ZNF169: variants seen among roughly 807,000 people sequenced by gnomAD.
The protein encoded by ZNF169 is zinc finger protein 169.
A neutral mutation model predicts 12.0 loss-of-function variants in ZNF169; 11 were observed. That is an observed-to-expected ratio of 0.92 (90% CI 0.58 to 1.52). The LOEUF is 1.52. Ranked by LOEUF, ZNF169 falls within the 40% of genes most tolerant of loss-of-function variation. The pLI is 0.00. For missense variants in ZNF169, 722 were observed against 744.0 expected, an observed-to-expected ratio of 0.97 and a Z score of 0.34; for synonymous variants, 302 against 286.5, an observed-to-expected ratio of 1.05 and a Z score of -0.55.
At chr9:94,270,886 A>G (rs865829063) in intron 1 of ZNF169, among the ~76,000 whole-genome samples, 5 of 55,230 alleles carry the variant, frequency 9.1e-5, no homozygotes, top group Admixed American at 3.8e-4. Flanking sequence ...ATATTATATA[A>G]ATATATATAA....
At chr9:94,297,887 C>T (rs1459145993) in intron 4 of ZNF169, among the ~76,000 whole-genome samples, 2 of 152,146 alleles carry the variant, frequency 1.3e-5, no homozygotes, top group African/African-American at 4.8e-5. Flanking sequence ...GTTCCAGGGG[C>T]TGGGCGCGGT....
At chr9:94,283,110 G>GA (rs1333678797) in intron 2 of ZNF169, among the ~76,000 whole-genome samples, 1 of 152,108 alleles carries the variant, frequency 6.6e-6, no homozygotes, top group Non-Finnish European at 1.5e-5. Flanking sequence ...ACATGTATCA[G>GA]AAAAAATTAC....
chr9:94,287,086 A>G (rs1830731626), intron 2 of ZNF169, among the ~76,000 whole-genome samples: 1 of 152,218 alleles, frequency 6.6e-6, no homozygotes, highest in East Asian at 1.9e-4. Context: ...ATGAATTTAC[A>G]AAGTATCTAC....
chr9:94,288,519 G>T (rs1830762606), intron 2 of ZNF169: 2 of 594,280 alleles, frequency 3.4e-6, no homozygotes, highest in South Asian at 1.5e-5. Flanking sequence ...TGGCAGATTT[G>T]ACAGGATCTC....
intron 4 of ZNF169, among the ~76,000 whole-genome samples, chr9:94,297,818 T>C (rs1273453841): frequency 6.6e-6 from 1 of 152,194 alleles, no homozygotes; most frequent in East Asian, 1.9e-4. Context: ...CCTGATTCAG[T>C]TTCTTGCTAT....
intron 1 of ZNF169, among the ~76,000 whole-genome samples, chr9:94,271,638 T>C (rs902946362): frequency 1.3e-5 from 2 of 148,936 alleles, no homozygotes; most frequent in Non-Finnish European, 3.0e-5. Context: ...GAGAATCGCT[T>C]GAACCCAGGA....
intron 2 of ZNF169, among the ~76,000 whole-genome samples, chr9:94,289,988 T>C (rs1301293028): frequency 6.6e-6 from 1 of 152,200 alleles, no homozygotes. Context: ...TTCATGTGCC[T>C]TTAGAAACAC....
chr9:94,291,584 GA>G (rs1233713229), intron 2 of ZNF169, among the ~76,000 whole-genome samples: 2 of 151,896 alleles, frequency 1.3e-5, no homozygotes, highest in South Asian at 2.1e-4. Context: ...GGAACGAAGG[GA>G]AAAAAAGCTT....
In ZNF169 at chr9:94,301,460, C is replaced by T; in HGVS notation, c.*90C>T. 6.9e-7 allele frequency: 1 copy of T among 1,450,256 alleles called. No individual in the cohort carries two copies. 89.8% of individuals were successfully genotyped at this position (1,450,256 alleles called of 1,614,324 possible). A position where few individuals can be genotyped will look rare whatever the true frequency, so the allele number is the denominator to read the frequency against. On this transcript the variant is annotated 3_prime_UTR_variant, in exon 5 of 5. Coordinates refer to ENST00000395395, the MANE Select transcript of ZNF169 (RefSeq NM_194320.4). ...ATGGAATGGAAAAAAAAAAATGTTG[C>T]TTTCTTTCATCGATCATGAGATAGT... is the stretch of plus-strand genomic sequence containing the variant.
intron 1 of ZNF169, among the ~76,000 whole-genome samples, chr9:94,270,721 AT>A (rs1436660333): frequency 0.034 from 694 of 20,116 alleles, 17 homozygotes; most frequent in African/African-American, 0.048. Context: ...AATATATAAT[AT>A]TATATATTAT....
chr9:94,279,172 A>C (rs535535221), intron 2 of ZNF169, among the ~76,000 whole-genome samples: 1 of 152,044 alleles, frequency 6.6e-6, no homozygotes, highest in Non-Finnish European at 1.5e-5. Flanking sequence ...CGGGAGGATC[A>C]CCTGAGGTCA....
chr9:94,263,475 AT>A (rs1830239372), intron 1 of ZNF169, among the ~76,000 whole-genome samples: 1 of 147,264 alleles, frequency 6.8e-6, no homozygotes, highest in Non-Finnish European at 1.5e-5. Flanking sequence ...CTATGTCTTT[AT>A]ATTTAAAGTC....
intron 2 of ZNF169, among the ~76,000 whole-genome samples, chr9:94,290,229 T>C (rs1415854736): frequency 6.6e-6 from 1 of 152,116 alleles, no homozygotes; most frequent in Non-Finnish European, 1.5e-5. Context: ...CTTCTAAAAA[T>C]CTGCAGCTAA....
chr9:94,297,327 A>G (rs1830973307), intron 4 of ZNF169, among the ~76,000 whole-genome samples: 4 of 152,146 alleles, frequency 2.6e-5, no homozygotes, highest in Admixed American at 6.5e-5. Context: ...CATTTCTGGT[A>G]TACAGGCCTT....
At chr9:94,287,600 G>C (rs552857533) in intron 2 of ZNF169, 1 of 516,946 alleles carries the variant, frequency 1.9e-6, no homozygotes, top group Admixed American at 2.8e-5. Context: ...TCCTGACCTC[G>C]TGATCCGCCT....
intron 4 of ZNF169, chr9:94,295,754 A>G (rs1215885361): frequency 1.3e-5 from 2 of 152,178 alleles, no homozygotes; most frequent in Non-Finnish European, 2.9e-5. Context: ...GTATTCCTTT[A>G]TATGTCTAGG....
Position 94,300,534 on chromosome 9 carries a change from GGCTTTCGCCAGAAGATA to G in ZNF169, c.979_995del (p.Phe327ProfsTer18). On this transcript the variant is annotated frameshift_variant, in exon 5 of 5. Transcript: ENST00000395395. LOFTEE classifies it low-confidence loss of function (END_TRUNC). ...CTTTGTATGTCAGGAGTGTGGGCGAGGCTTTCGCCAGAAGATAGCCCTCCTTCTACACCAGAGGACGC... is the reference window on the plus strand; with the variant it reads ...CTTTGTATGTCAGGAGTGTGGGCGAGGCCCTCCTTCTACACCAGAGGACGC... The G allele has an allele frequency of 6.2e-7, 1 of 1,613,974 alleles. No individual in the cohort carries two copies. Among genetic ancestry groups the G allele is most frequent in the Non-Finnish European group, 8.5e-7 (1 of 1,179,962 alleles).
chr9:94,296,160 A>G (rs540948891), intron 4 of ZNF169, among the ~76,000 whole-genome samples: 3 of 152,178 alleles, frequency 2.0e-5, no homozygotes, highest in South Asian at 2.1e-4. Flanking sequence ...CTTATTTGCT[A>G]TCTTATATCT....
intron 1 of ZNF169, among the ~76,000 whole-genome samples, chr9:94,260,238 A>G (rs1036270622): frequency 1.2e-4 from 19 of 152,130 alleles, no homozygotes; most frequent in African/African-American, 3.6e-4. Context: ...GTTTTAGTAG[A>G]GACGGGGTTT....
Sources: allele counts gnomAD v4.1 joint callset (sites outside exome capture counted in the v4.1 genomes callset), GRCh38; gene constraint gnomAD v4.1.1; transcripts MANE v1.5; gene names NCBI Gene and HGNC (gene_info 2026-07-23, HGNC 2026-07-21).